CTNNA2: variants seen among roughly 807,000 people sequenced by gnomAD.
CTNNA2 encodes the protein catenin alpha 2, also known as catenin alpha-2.
CTNNA2 carries 42 observed loss-of-function variants against 101.0 expected under a neutral mutation model. The ratio of observed to expected loss-of-function variants is 0.42; its 90% CI spans 0.32 to 0.54. CTNNA2 has a LOEUF of 0.54. Among genes scored for constraint, CTNNA2 ranks in the 20% least tolerant of loss-of-function variants. The pLI, the probability that CTNNA2 is intolerant of heterozygous loss-of-function variation, is 0.14. For synonymous variants in CTNNA2, 450 were observed against 456.4 expected (o/e 0.99, Z 0.18); for missense variants, 871 against 1,223.1 (o/e 0.71, Z 4.29).
chr2:79,213,543 T>C (rs992585960), intron 2 of CTNNA2, among the ~76,000 whole-genome samples: 2 of 152,176 alleles, frequency 1.3e-5, no homozygotes, highest in African/African-American at 4.8e-5. Context: ...TACTATAGCA[T>C]AGCCTGCCTT....
At chr2:79,688,037 A>T (rs1327674935) in intron 2 of CTNNA2, among the ~76,000 whole-genome samples, 1 of 152,138 alleles carries the variant, frequency 6.6e-6, no homozygotes, top group African/African-American at 2.4e-5. Context: ...TGAAAATTTG[A>T]GTTGGCCCTA....
intron 7 of CTNNA2, among the ~76,000 whole-genome samples, chr2:80,007,300 A>G (rs1314606011): frequency 6.6e-6 from 1 of 152,196 alleles, no homozygotes; most frequent in Non-Finnish European, 1.5e-5. Context: ...AATGAACTCA[A>G]GTGTATCCAA....
chr2:79,551,603 G>A (rs1583150), intron 1 of CTNNA2, among the ~76,000 whole-genome samples: 2 of 151,964 alleles, frequency 1.3e-5, no homozygotes, highest in Admixed American at 6.5e-5. Context: ...GGTGTATTAA[G>A]CCATTCTCAA....
intron 7 of CTNNA2, among the ~76,000 whole-genome samples, chr2:80,124,947 G>A (rs1702034517): frequency 6.6e-6 from 1 of 152,178 alleles, no homozygotes; most frequent in African/African-American, 2.4e-5. Flanking sequence ...TGGAGCAGGG[G>A]CCAAGGCAGA....
chr2:80,210,104 A>G (rs1707791914), intron 7 of CTNNA2, among the ~76,000 whole-genome samples: 1 of 152,202 alleles, frequency 6.6e-6, no homozygotes, highest in Non-Finnish European at 1.5e-5. Context: ...TTCACCCTAA[A>G]CACATCTTCT....
chr2:79,948,231 G>A (rs1273474323), intron 7 of CTNNA2, among the ~76,000 whole-genome samples: 1 of 152,192 alleles, frequency 6.6e-6, no homozygotes, highest in African/African-American at 2.4e-5. Flanking sequence ...CTAGCACAGA[G>A]CTGCATACAA....
intron 3 of CTNNA2, among the ~76,000 whole-genome samples, chr2:79,791,005 G>T (rs776484910): frequency 5.3e-5 from 8 of 152,144 alleles, no homozygotes; most frequent in African/African-American, 1.9e-4. Context: ...CCTAAGAGTT[G>T]AATGAGTCAT....
At chr2:79,209,081 C>T (rs7562580) in intron 2 of CTNNA2, among the ~76,000 whole-genome samples, 2 of 151,912 alleles carry the variant, frequency 1.3e-5, no homozygotes, top group Non-Finnish European at 2.9e-5. Flanking sequence ...TTTGGAAGGC[C>T]GAGGCAGGAA....
intron 18 of CTNNA2, among the ~76,000 whole-genome samples, chr2:80,622,446 A>G (rs938325609): frequency 6.6e-6 from 1 of 151,944 alleles, no homozygotes; most frequent in African/African-American, 2.4e-5. Context: ...GCTAATGAGA[A>G]TCCGTGTAAC....
At chr2:80,339,527 TATGCAGAGAG>T (rs1672042179) in intron 7 of CTNNA2, among the ~76,000 whole-genome samples, 1 of 152,198 alleles carries the variant, frequency 6.6e-6, no homozygotes, top group South Asian at 2.1e-4. Flanking sequence ...TTATCCCAGC[TATGCAGAGAG>T]AAGTAGAAAT....
At chr2:79,774,946 A>G (rs1673853894) in intron 3 of CTNNA2, among the ~76,000 whole-genome samples, 1 of 152,146 alleles carries the variant, frequency 6.6e-6, no homozygotes, top group Non-Finnish European at 1.5e-5. Context: ...CGTCAGTAAC[A>G]TTAGGGGTCA....
chr2:80,195,941 C>T (rs1706804435), intron 7 of CTNNA2, among the ~76,000 whole-genome samples: 1 of 152,138 alleles, frequency 6.6e-6, no homozygotes, highest in African/African-American at 2.4e-5. Flanking sequence ...ACAAGGTCCA[C>T]ATCTTTTAAT....
At chr2:80,344,674 T>C (rs1421546555) in intron 7 of CTNNA2, among the ~76,000 whole-genome samples, 1 of 152,156 alleles carries the variant, frequency 6.6e-6, no homozygotes, top group African/African-American at 2.4e-5. Flanking sequence ...TTTGTAGATG[T>C]GGTGTTTCTC....
chr2:79,215,786 C>G (rs569530101), intron 2 of CTNNA2, among the ~76,000 whole-genome samples: 2 of 151,912 alleles, frequency 1.3e-5, no homozygotes, highest in Non-Finnish European at 2.9e-5. Context: ...AGTCACAGAA[C>G]GAAACTGTAA....
intron 4 of CTNNA2, among the ~76,000 whole-genome samples, chr2:79,445,609 T>A (rs1156410401): frequency 6.6e-6 from 1 of 152,162 alleles, no homozygotes; most frequent in Non-Finnish European, 1.5e-5. Context: ...TTTGACCTAA[T>A]CACCTGTTGA....
chr2:80,401,692 A>C (rs2149380198), intron 8 of CTNNA2, among the ~76,000 whole-genome samples: 1 of 152,120 alleles, frequency 6.6e-6, no homozygotes, highest in South Asian at 2.1e-4. Context: ...GAGGCCTTCC[A>C]ACTCTTCTGC....
intron 7 of CTNNA2, among the ~76,000 whole-genome samples, chr2:80,370,381 C>T (rs983688826): frequency 6.6e-6 from 1 of 151,914 alleles, no homozygotes; most frequent in South Asian, 2.1e-4. Context: ...GGGGAATTCA[C>T]CTTTTACTTT....
At chr2:79,408,454 C>T (rs894630926) in intron 4 of CTNNA2, among the ~76,000 whole-genome samples, 1 of 135,382 alleles carries the variant, frequency 7.4e-6, no homozygotes, top group Admixed American at 7.6e-5. Flanking sequence ...TCCCTCCCCC[C>T]TCCCCTCACC....
At chr2:80,295,804 C>A (rs903711906) in intron 7 of CTNNA2, among the ~76,000 whole-genome samples, 1 of 152,178 alleles carries the variant, frequency 6.6e-6, no homozygotes, top group Admixed American at 6.6e-5. Flanking sequence ...ACCTGCCCTG[C>A]AGAAATGTTA....
Sources: allele counts gnomAD v4.1 joint callset (sites outside exome capture counted in the v4.1 genomes callset), GRCh38; gene constraint gnomAD v4.1.1; transcripts MANE v1.5; gene names NCBI Gene and HGNC (gene_info 2026-07-23, HGNC 2026-07-21).